Variants in RNASEH1 observed in about 807,000 individuals in gnomAD.
RNASEH1 encodes ribonuclease H1, also known as ribonuclease H type II.
Under a neutral mutation model 34.6 loss-of-function variants are expected in RNASEH1, and 27 were observed. The ratio of observed to expected loss-of-function variants is 0.78; its 90% confidence interval spans 0.58 to 1.08. The LOEUF (loss-of-function observed/expected upper bound fraction) is 1.08. RNASEH1 is among the 50% of genes least tolerant of loss of function. The pLI is 0.00. For synonymous variants in RNASEH1, 162 were observed against 138.4 expected, an observed-to-expected ratio of 1.17 and a Z score of -1.20; for missense variants, 349 against 373.6, an observed-to-expected ratio of 0.93 and a Z score of 0.54.
Position 3,545,792 on chromosome 2 carries a change from T to TC in RNASEH1, c.853dup (p.Glu285GlyfsTer14), listed in dbSNP as rs1558447872. 3.7e-6 allele frequency: 6 copies of TC among 1,612,396 alleles called. No homozygotes were observed. The highest frequency in any genetic ancestry group is 5.1e-6 in the Non-Finnish European group (6 of 1,178,384). ...GGACTAAAGTCACATGGCTCAGTCT[T>TC]CCGATTGTTTAGCTCCTTCTCTGGC... On this transcript the variant is annotated frameshift_variant, in exon 8 of 8. Transcript: ENST00000315212. LOFTEE classifies it high-confidence loss of function.
intron 2 of RNASEH1, among the ~76,000 whole-genome samples, chr2:3,553,758 C>CTA (rs145897412): frequency 0.021 from 3,242 of 152,284 alleles, 116 homozygotes; most frequent in African/African-American, 0.073. Context: ...CTGGGTAATA[C>CTA]TATGGCAGCT....
At chr2:3,552,589 ACCACCCCCTCCCCTCCACACCACCT>A (rs1272565314) in intron 2 of RNASEH1, among the ~76,000 whole-genome samples, 7 of 63,122 alleles carry the variant, frequency 1.1e-4, no homozygotes, top group African/African-American at 4.3e-4. Flanking sequence ...CCACACCACC[ACCACCCCCTCCCCTCCACACCACCT>A]CCACCCCCTC....
At position 3,545,628 on chromosome 2, in the gene RNASEH1, C is replaced by G; in HGVS notation, c.*157G>C. On this transcript the variant is annotated 3_prime_UTR_variant, in exon 8 of 8. Transcript: ENST00000315212. Reference sequence around the variant, plus strand: ...TATATACTTAACCATTTTTTATAAACACATGTCACAGAAGGCCACTGTGCC... The same window carrying G: ...TATATACTTAACCATTTTTTATAAAGACATGTCACAGAAGGCCACTGTGCC... The G allele has an allele frequency of 1.6e-6, 1 of 617,260 alleles. No individual in the cohort carries two copies. Among genetic ancestry groups the G allele is most frequent in the African/African-American group, 1.8e-5 (1 of 54,108 alleles). 38.2% of individuals were successfully genotyped at this position (617,260 alleles called of 1,614,324 possible). A position where few individuals can be genotyped will look rare whatever the true frequency, so the allele number is the denominator to read the frequency against.
At chr2:3,551,262 T>C (rs1417877094) in intron 3 of RNASEH1, among the ~76,000 whole-genome samples, 1 of 152,208 alleles carries the variant, frequency 6.6e-6, no homozygotes. Context: ...AGTGTGGGTG[T>C]TGGGCAGGGC....
Position 3,548,734 on chromosome 2 carries a change from A to G in RNASEH1, c.565-10T>C. ...TGGCTTTGCAGGCTGCCTTGAAAAG[A>G]CAAGTCGATAGTCATGCTACAGAAA... On this transcript the variant is annotated splice_polypyrimidine_tract_variant and intron_variant, in intron 5 of 7. Transcript: ENST00000315212. 6.3e-7 allele frequency: 1 copy of G among 1,599,950 alleles called. No individual in the cohort carries two copies. The highest frequency in any genetic ancestry group is 8.6e-7 in the Non-Finnish European group (1 of 1,167,916).
chr2:3,557,810 T>C (rs1165506415), intron 1 of RNASEH1: 37 of 1,217,926 alleles, frequency 3.0e-5, no homozygotes, highest in Non-Finnish European at 4.1e-5. Flanking sequence ...CGGGGGTTCG[T>C]TCTGATTACG....
Position 3,558,204 on chromosome 2 carries a change from G to A in RNASEH1, c.57C>T (p.Arg19=), listed in dbSNP as rs372105073. 69 of 1,601,208 alleles carry A rather than the reference G, an allele frequency of 4.3e-5. No individual in the cohort carries two copies. Among genetic ancestry groups the A allele is most frequent in the Admixed American group, 1.0e-4 (6 of 58,712 alleles). ...HRVALAALPC[R]RGSRGFGMFY... is the part of the protein sequence containing the mutation. ...ACATCCCGAACCCGCGAGAGCCGCG[G>A]CGGCAGGGCAAGGCGGCCAAGGCGA... Residue 19 remains arginine, a synonymous_variant, in exon 1 of 8, where the codon CGC becomes CGT. Coordinates refer to ENST00000315212, the MANE Select transcript of RNASEH1 (RefSeq NM_002936.6).
At chr2:3,555,666 A>T (rs543442817) in intron 2 of RNASEH1, among the ~76,000 whole-genome samples, 1 of 152,298 alleles carries the variant, frequency 6.6e-6, no homozygotes, top group South Asian at 2.1e-4. Flanking sequence ...CTCAGTCTTA[A>T]TTTGCTATAG....
intron 7 of RNASEH1, among the ~76,000 whole-genome samples, chr2:3,546,983 C>T (rs955688116): frequency 2.0e-5 from 3 of 152,080 alleles, no homozygotes; most frequent in Non-Finnish European, 2.9e-5. Flanking sequence ...ATTAGCCAGG[C>T]GTGGTGGCAT....
the RNASEH1 span, among the ~76,000 whole-genome samples, chr2:3,534,498 T>C: frequency 1.3e-5 from 2 of 152,224 alleles, no homozygotes; most frequent in Non-Finnish European, 2.9e-5. Flanking sequence ...TGTGACACCC[T>C]TGGGGCTCTG....
At chr2:3,557,279 A>G (rs1182686807) in intron 1 of RNASEH1, among the ~76,000 whole-genome samples, 1 of 152,152 alleles carries the variant, frequency 6.6e-6, no homozygotes, top group Non-Finnish European at 1.5e-5. Flanking sequence ...GATATAGAGG[A>G]CCAATTTTTG....
the RNASEH1 span, among the ~76,000 whole-genome samples, chr2:3,535,852 C>T: frequency 6.6e-6 from 1 of 152,146 alleles, no homozygotes; most frequent in Admixed American, 6.5e-5. Flanking sequence ...CAGGGAAGGA[C>T]GCAGCCTGCA....
rs563926804 is a variant in RNASEH1 at position 3,541,732 on chromosome 2, G to A, written c.*4053C>T. ...GAGGACACGAGGGACGGTTTAGACC[G>A]GGGTGTGAAACTGCTGTTGGTGGTG... On this transcript the variant is annotated 3_prime_UTR_variant, in exon 8 of 8. Coordinates refer to ENST00000315212, the MANE Select transcript of RNASEH1 (RefSeq NM_002936.6). 4.3e-4 allele frequency among the ~76,000 whole-genome samples: 66 copies of A among 152,346 alleles called. No individual in the cohort carries two copies. The highest frequency in any genetic ancestry group is 1.5e-3 in the African/African-American group (63 of 41,576).
chr2:3,534,713 T>G, the RNASEH1 span, among the ~76,000 whole-genome samples: 1 of 152,254 alleles, frequency 6.6e-6, no homozygotes, highest in Non-Finnish European at 1.5e-5. Context: ...CAGTGATCCT[T>G]GGGCCGAGTG....
At position 3,542,857 on chromosome 2, in the gene RNASEH1, T is replaced by C. The variant is rs1668414536; in HGVS notation, c.*2928A>G. Among the ~76,000 whole-genome samples the C allele has an allele frequency of 2.0e-5, 3 of 152,186 alleles. No homozygotes were observed. Among genetic ancestry groups the C allele is most frequent in the Non-Finnish European group, 2.9e-5 (2 of 68,030 alleles). On this transcript the variant is annotated 3_prime_UTR_variant, in exon 8 of 8. Transcript: ENST00000315212. ...ATCAATATAGGCTCAGAAAATATTC[T>C]TCCTTTAAATATGTGTGTGCAATGT...
At chr2:3,549,974 C>G (rs1315943158) in intron 4 of RNASEH1, 2 of 164,636 alleles carry the variant, frequency 1.2e-5, no homozygotes, top group South Asian at 1.6e-4. Context: ...GACTCCTCCC[C>G]AGGGCAAGAA....
At chr2:3,539,765 T>C (rs1572269777), downstream of RNASEH1, among the ~76,000 whole-genome samples, 1 of 152,138 alleles carries the variant, frequency 6.6e-6, no homozygotes, top group South Asian at 2.1e-4. Flanking sequence ...ACTAGAATAT[T>C]AGAATTAGGA....
chr2:3,550,264 G>A (rs758148289), intron 4 of RNASEH1, 109 bp downstream of exon 4: 2 of 919,408 alleles, frequency 2.2e-6, no homozygotes, highest in Admixed American at 3.4e-5. Context: ...CCCTGCCAGA[G>A]CTACTTATCT....
downstream of RNASEH1, among the ~76,000 whole-genome samples, chr2:3,539,063 T>G (rs1215610290): frequency 2.0e-5 from 3 of 152,210 alleles, no homozygotes; most frequent in Non-Finnish European, 4.4e-5. Flanking sequence ...CAATTTCTAG[T>G]TCTTATATAT....
Sources: gnomAD v4.1 joint callset for allele counts (sites outside exome capture counted in the v4.1 genomes callset) on GRCh38, gnomAD v4.1.1 for gene constraint, MANE v1.5 for transcripts, NCBI Gene and HGNC (gene_info 2026-07-23, HGNC 2026-07-21) for gene names.